Variants in RAPGEF2 observed in about 807,000 individuals in gnomAD.
RAPGEF2 encodes the protein PDZ domain containing guanine nucleotide exchange factor (GEF) 1.
A neutral mutation model predicts 186.7 loss-of-function variants in RAPGEF2; 54 were observed. The ratio of observed to expected loss-of-function variants is 0.29; its 90% CI spans 0.23 to 0.36. The LOEUF is 0.36. Among genes scored for constraint, RAPGEF2 ranks in the 10% least tolerant of loss-of-function variants. The pLI, the probability that RAPGEF2 is intolerant of heterozygous loss-of-function variation, is 1.00. For missense variants in RAPGEF2, 1,532 were observed against 2,045.0 expected (o/e 0.75, Z 4.84); for synonymous variants, 712 against 705.9 (o/e 1.01, Z -0.14).
chr4:159,199,057 CAAAA>C (rs749062756), intron 3 of RAPGEF2, among the ~76,000 whole-genome samples: 11 of 80,330 alleles, frequency 1.4e-4, no homozygotes, highest in Non-Finnish European at 1.9e-4. Flanking sequence ...GACCCTGTCT[CAAAA>C]AAAAAAAAAA....
At chr4:159,111,115 T>G (rs961960758) in intron 1 of RAPGEF2, among the ~76,000 whole-genome samples, 9 of 152,298 alleles carry the variant, frequency 5.9e-5, no homozygotes, top group Non-Finnish European at 1.2e-4. Context: ...AGCTGTTTCC[T>G]TTTTCCCTCC....
At chr4:159,194,104 G>C (rs963224501) in intron 3 of RAPGEF2, among the ~76,000 whole-genome samples, 6 of 152,324 alleles carry the variant, frequency 3.9e-5, no homozygotes, top group East Asian at 1.9e-4. Flanking sequence ...TCAGCAAAGG[G>C]GCTGTGGAAC....
At chr4:159,258,247 G>A (rs912005416) in intron 7 of RAPGEF2, among the ~76,000 whole-genome samples, 1 of 152,160 alleles carries the variant, frequency 6.6e-6, no homozygotes, top group African/African-American at 2.4e-5. Flanking sequence ...GAGAAATTAG[G>A]TGTGTGTTTT....
At chr4:159,258,009 A>G (rs971040433) in intron 7 of RAPGEF2, among the ~76,000 whole-genome samples, 1 of 152,180 alleles carries the variant, frequency 6.6e-6, no homozygotes, top group Non-Finnish European at 1.5e-5. Flanking sequence ...TAATAATATG[A>G]AATGCTACTT....
intron 11 of RAPGEF2, 91 bp downstream of exon 11, chr4:159,323,708 A>T: frequency 1.3e-6 from 1 of 788,616 alleles, no homozygotes; most frequent in Non-Finnish European, 1.7e-6. Context: ...CTATATAAAT[A>T]TCTTACAAAT....
At chr4:159,121,837 TG>T (rs1739718876) in intron 1 of RAPGEF2, among the ~76,000 whole-genome samples, 2 of 149,938 alleles carry the variant, frequency 1.3e-5, no homozygotes, top group African/African-American at 4.9e-5. Context: ...GAGACCACCC[TG>T]GTTAACATGG....
At chr4:159,309,652 G>C (rs988281999) in intron 8 of RAPGEF2, among the ~76,000 whole-genome samples, 1 of 152,194 alleles carries the variant, frequency 6.6e-6, no homozygotes, top group Non-Finnish European at 1.5e-5. Context: ...GTGATTGAAA[G>C]CTTTAATGCC....
At chr4:159,349,277 A>G (rs1277116605) in intron 25 of RAPGEF2, among the ~76,000 whole-genome samples, 5 of 152,206 alleles carry the variant, frequency 3.3e-5, no homozygotes, top group African/African-American at 9.6e-5. Flanking sequence ...TACTAACACT[A>G]ATTTGAGGTA....
At chr4:159,136,287 C>T (rs1379594745) in intron 1 of RAPGEF2, among the ~76,000 whole-genome samples, 1 of 152,052 alleles carries the variant, frequency 6.6e-6, no homozygotes, top group Non-Finnish European at 1.5e-5. Flanking sequence ...AGTCATTATT[C>T]GTATTAGATT....
chr4:159,241,087 A>T, intron 5 of RAPGEF2, 114 bp from the exon 6 acceptor site: 2 of 839,978 alleles, frequency 2.4e-6, no homozygotes, highest in South Asian at 6.1e-5. Flanking sequence ...AGTTTTCTAC[A>T]GATGTCTTTG....
chr4:159,158,763 A>G (rs1215328724), intron 1 of RAPGEF2, among the ~76,000 whole-genome samples: 1 of 152,206 alleles, frequency 6.6e-6, no homozygotes, highest in Non-Finnish European at 1.5e-5. Flanking sequence ...ATCAACTGAG[A>G]AGGGTGAAAT....
chr4:159,219,485 A>G (rs1364766251), intron 4 of RAPGEF2, among the ~76,000 whole-genome samples: 1 of 150,488 alleles, frequency 6.6e-6, no homozygotes, highest in African/African-American at 2.4e-5. Flanking sequence ...CCTCCCGAGT[A>G]GCTGGGACTA....
intron 1 of RAPGEF2, among the ~76,000 whole-genome samples, chr4:159,130,845 G>A (rs1281555124): frequency 2.0e-5 from 3 of 151,900 alleles, no homozygotes; most frequent in Middle Eastern, 3.4e-3. Context: ...AAGTAGCTGG[G>A]ACCATAGGCG....
At chr4:159,209,534 T>C (rs1198012420) in intron 3 of RAPGEF2, among the ~76,000 whole-genome samples, 1 of 152,220 alleles carries the variant, frequency 6.6e-6, no homozygotes, top group African/African-American at 2.4e-5. Context: ...TCTATGAGAC[T>C]TGAATGTAAT....
intron 1 of RAPGEF2, among the ~76,000 whole-genome samples, chr4:159,108,924 G>T (rs1050033135): frequency 1.3e-5 from 2 of 152,006 alleles, no homozygotes; most frequent in South Asian, 2.1e-4. Context: ...TCGCTTTGTT[G>T]CCTAGACTGG....
chr4:159,246,413 T>C (rs1754636653), intron 7 of RAPGEF2, among the ~76,000 whole-genome samples: 1 of 152,148 alleles, frequency 6.6e-6, no homozygotes, highest in African/African-American at 2.4e-5. Flanking sequence ...CTTATGAAAA[T>C]CAGTCCCATT....
At chr4:159,351,302 CTT>C (rs201045411) in intron 26 of RAPGEF2, 221 of 892,924 alleles carry the variant, frequency 2.5e-4, no homozygotes, top group Middle Eastern at 3.8e-4. Flanking sequence ...TTTTCTGAAA[CTT>C]TTTTTTTTTT....
intron 1 of RAPGEF2, among the ~76,000 whole-genome samples, chr4:159,118,597 T>A (rs548403999): frequency 2.0e-5 from 3 of 152,252 alleles, no homozygotes; most frequent in African/African-American, 4.8e-5. Context: ...ATTATTATTT[T>A]TTTTTGAGAC....
At chr4:159,118,641 A>C (rs960344821) in intron 1 of RAPGEF2, among the ~76,000 whole-genome samples, 2 of 152,070 alleles carry the variant, frequency 1.3e-5, no homozygotes. Context: ...GCTGGAGTGC[A>C]ATGGTGCGAT....
Sources: gnomAD v4.1 joint callset for allele counts (sites outside exome capture counted in the v4.1 genomes callset) on GRCh38, gnomAD v4.1.1 for gene constraint, MANE v1.5 for transcripts, NCBI Gene and HGNC (gene_info 2026-07-23, HGNC 2026-07-21) for gene names.